The following TXK variants were observed in gnomAD, a reference collection of about 807,000 sequenced individuals.
TXK encodes the protein tyrosine-protein kinase TXK.
In TXK, 60 loss-of-function variants were observed where a neutral mutation model predicts 81.0. The observed-to-expected ratio is 0.74, with a 90% confidence interval of 0.60 to 0.92. The LOEUF (loss-of-function observed/expected upper bound fraction) is 0.92, where lower values mean the gene tolerates loss of function less well. TXK is among the 40% of genes least tolerant of loss of function. The pLI, the probability that TXK is intolerant of heterozygous loss-of-function variation, is 0.00. For synonymous variants in TXK, 203 were observed against 210.7 expected (o/e 0.96, Z 0.32); for missense variants, 581 against 638.3 (o/e 0.91, Z 0.97).
intron 12 of TXK, among the ~76,000 whole-genome samples, chr4:48,075,259 G>A (rs1178967923): frequency 6.6e-6 from 1 of 152,154 alleles, no homozygotes; most frequent in Non-Finnish European, 1.5e-5. Flanking sequence ...CTTTTCCCCA[G>A]GTGGAGCCCT....
Position 48,070,436 on chromosome 4 carries a change from C to T in TXK, c.1515+1081G>A, listed in dbSNP as rs151036259. 6.2e-3 allele frequency among the ~76,000 whole-genome samples: 948 copies of T among 152,282 alleles called. 2 individuals carry two copies. The highest frequency in any genetic ancestry group is 0.017 in the South Asian group (84 of 4,818). On this transcript the variant is annotated intron_variant, in intron 14 of 14. Coordinates refer to ENST00000264316, the MANE Select transcript of TXK (RefSeq NM_003328.3). ...GCCAGAAGACAGATGAAACCCATTA[C>T]TATTAGCGTTGGAAAAGCAAGACAA... is the stretch of plus-strand genomic sequence containing the variant.
rs764303782 is a variant in TXK at position 48,086,525 on chromosome 4, C to T, written c.897G>A (p.Lys299=). 1 of 1,614,070 alleles carries T rather than the reference C, an allele frequency of 6.2e-7. No homozygotes were observed. The highest frequency in any genetic ancestry group is 1.1e-5 in the South Asian group (1 of 91,068). ...CAGACATGGAGCCTTCATTGATGGC[C>T]TTGATAGCTACCTGGATATGTGACC... ...EWRSHIQVAI[K]AINEGSMSEE... Residue 299 remains lysine (K), a synonymous_variant, in exon 10 of 15, where the codon AAG becomes AAA. Transcript: ENST00000264316.
At chr4:48,089,029 C>T (rs1717644862) in intron 9 of TXK, among the ~76,000 whole-genome samples, 1 of 152,102 alleles carries the variant, frequency 6.6e-6, no homozygotes, top group African/African-American at 2.4e-5. Flanking sequence ...GAACTTTGTG[C>T]ATGTTCTATT....
At chr4:48,101,054 T>C (rs757618963) in intron 6 of TXK, among the ~76,000 whole-genome samples, 1 of 152,138 alleles carries the variant, frequency 6.6e-6, no homozygotes, top group Non-Finnish European at 1.5e-5. Context: ...GTAGTTTTTC[T>C]GTGGGTAGGG....
At chr4:48,100,085 T>C (rs1054251264) in intron 6 of TXK, among the ~76,000 whole-genome samples, 2 of 136,074 alleles carry the variant, frequency 1.5e-5, no homozygotes, top group African/African-American at 5.6e-5. Context: ...GGCAGGAGAA[T>C]GGCGTGAACC....
At chr4:48,093,069 G>A (rs1173139478) in intron 8 of TXK, among the ~76,000 whole-genome samples, 3 of 152,104 alleles carry the variant, frequency 2.0e-5, no homozygotes, top group Non-Finnish European at 4.4e-5. Context: ...GGAGAAAGAG[G>A]AATATAAAGG....
intron 13 of TXK, among the ~76,000 whole-genome samples, chr4:48,072,904 C>G (rs1225871285): frequency 1.3e-5 from 2 of 152,048 alleles, no homozygotes; most frequent in African/African-American, 4.8e-5. Flanking sequence ...ACAAGCTTAA[C>G]TTTATTGTAT....
chr4:48,112,590 T>C (rs1351810776), intron 3 of TXK, 78 bp from the exon 4 acceptor site: 4 of 1,420,886 alleles, frequency 2.8e-6, no homozygotes, highest in Admixed American at 4.7e-5. Flanking sequence ...AAAGCATATT[T>C]GCCTTCTGCC....
intron 11 of TXK, among the ~76,000 whole-genome samples, 181 bp from the exon 12 acceptor site, chr4:48,076,647 G>C (rs78455413): frequency 3.3e-5 from 5 of 149,342 alleles, no homozygotes; most frequent in Non-Finnish European, 7.4e-5. Flanking sequence ...TTTTTTTTTT[G>C]AGACAGGATC....
intron 6 of TXK, among the ~76,000 whole-genome samples, chr4:48,103,949 T>A (rs762289152): frequency 1.1e-4 from 17 of 151,764 alleles, no homozygotes; most frequent in Non-Finnish European, 2.2e-4. Context: ...ACACCTGTAA[T>A]CTCAGCACTT....
At chr4:48,100,195 A>T (rs1051046868) in intron 6 of TXK, among the ~76,000 whole-genome samples, 1 of 143,374 alleles carries the variant, frequency 7.0e-6, no homozygotes, top group Non-Finnish European at 1.5e-5. Context: ...AAAAAAAAAA[A>T]TGCATAAAAT....
In TXK at chr4:48,066,779, T is replaced by G. The variant is rs780276967; in HGVS notation, c.*858A>C. Reference sequence around the variant, plus strand: ...TCCTGGATTTCCGAAACAATGGAGCTTGATGTCACATTTGGCTATCTTGCT... The same window carrying G: ...TCCTGGATTTCCGAAACAATGGAGCGTGATGTCACATTTGGCTATCTTGCT... On this transcript the variant is annotated 3_prime_UTR_variant, in exon 15 of 15. Transcript: ENST00000264316. 2.6e-5 allele frequency: 4 copies of G among 152,220 alleles called. No individual in the cohort carries two copies. The highest frequency in any genetic ancestry group is 5.9e-5 in the Non-Finnish European group (4 of 68,040). 9.4% of individuals were successfully genotyped at this position (152,220 alleles called of 1,614,324 possible). A position where few individuals can be genotyped will look rare whatever the true frequency, so the allele number is the denominator to read the frequency against.
chr4:48,087,447 T>TA (rs1717580009), intron 9 of TXK, among the ~76,000 whole-genome samples: 2 of 151,898 alleles, frequency 1.3e-5, no homozygotes, highest in African/African-American at 4.8e-5. Flanking sequence ...TATTATTTTT[T>TA]TTTTTGGAGG....
At chr4:48,128,528 C>T (rs1308685557) in intron 1 of TXK, among the ~76,000 whole-genome samples, 1 of 145,736 alleles carries the variant, frequency 6.9e-6, no homozygotes, top group East Asian at 2.0e-4. Flanking sequence ...CAAACTTCCT[C>T]ATTACTCTGC....
In TXK at chr4:48,109,148, G is replaced by A. The variant is rs114259823; in HGVS notation, c.446+1390C>T. On this transcript the variant is annotated intron_variant, in intron 5 of 14. Transcript: ENST00000264316. ...TCAGGATAGCAGTGAGACCTCATGA[G>A]GACATGCTCTTGAGTAGATAGCTGT... 2.8e-3 allele frequency among the ~76,000 whole-genome samples: 424 copies of A among 151,724 alleles called. 4 individuals are homozygous for A. The highest frequency in any genetic ancestry group is 9.9e-3 in the African/African-American group (409 of 41,372).
chr4:48,121,935 G>T (rs185591574), intron 1 of TXK, among the ~76,000 whole-genome samples: 1 of 151,922 alleles, frequency 6.6e-6, no homozygotes, highest in Admixed American at 6.6e-5. Context: ...GTAAATTTTT[G>T]ATATATATAT....
chr4:48,128,777 C>G (rs1338019353), intron 1 of TXK, among the ~76,000 whole-genome samples: 3 of 151,836 alleles, frequency 2.0e-5, no homozygotes. Context: ...CTGTGTTAGT[C>G]AGGATGGTCT....
Position 48,070,493 on chromosome 4 carries a change from ATCTT to A in TXK, c.1515+1020_1515+1023del, listed in dbSNP as rs567268555. Reference sequence around the variant, plus strand: ...GTTGAGTGAAGTAAATGGAAACACCATCTTTCTTTTTCAACCTGGAAATTTAACA... The same window carrying A: ...GTTGAGTGAAGTAAATGGAAACACCATCTTTTTCAACCTGGAAATTTAACA... On this transcript the variant is annotated intron_variant, in intron 14 of 14. Transcript: ENST00000264316. Among the ~76,000 whole-genome samples the A allele has an allele frequency of 5.9e-5, 9 of 152,246 alleles. No individual in the cohort carries two copies. The South Asian group carries it at 1.9e-3, about 32-fold the overall frequency.
intron 11 of TXK, among the ~76,000 whole-genome samples, chr4:48,076,724 G>A (rs900641193): frequency 2.0e-5 from 3 of 152,022 alleles, no homozygotes; most frequent in Non-Finnish European, 4.4e-5. Context: ...CCCCTCCTGG[G>A]GTCAAACCAT....
Sources: gnomAD v4.1 joint callset for allele counts (sites outside exome capture counted in the v4.1 genomes callset) on GRCh38, gnomAD v4.1.1 for gene constraint, MANE v1.5 for transcripts, NCBI Gene and HGNC (gene_info 2026-07-23, HGNC 2026-07-21) for gene names.